Variants in SLC24A2 observed in about 807,000 individuals in gnomAD.
SLC24A2 encodes the protein solute carrier family 24 member 2, also known as sodium/potassium/calcium exchanger 2.
SLC24A2 carries 36 observed loss-of-function variants against 62.0 expected under a neutral mutation model. The ratio of observed to expected loss-of-function variants is 0.58; its 90% CI spans 0.44 to 0.77. The LOEUF (loss-of-function observed/expected upper bound fraction) is 0.77, where lower values mean the gene tolerates loss of function less well. Ranked by LOEUF, SLC24A2 falls within the 30% of genes least tolerant of loss-of-function variation. The probability of loss-of-function intolerance (pLI) is 0.00; values close to 1 mark genes in which losing one functional copy is unlikely to be tolerated. For missense variants in SLC24A2, 846 were observed against 817.9 expected (o/e 1.03, Z -0.42); for synonymous variants, 358 against 294.0 (o/e 1.22, Z -2.23).
chr9:20,105,915 T>A, the SLC24A2 span, among the ~76,000 whole-genome samples: 1 of 152,142 alleles, frequency 6.6e-6, no homozygotes, highest in African/African-American at 2.4e-5. Flanking sequence ...AGGAGCTGGT[T>A]TTTTGAAAGG....
At chr9:20,025,913 G>A in the SLC24A2 span, among the ~76,000 whole-genome samples, 2 of 152,100 alleles carry the variant, frequency 1.3e-5, no homozygotes, top group Non-Finnish European at 2.9e-5. Context: ...AATTATTCAG[G>A]ACAATTTCTC....
chr9:19,590,080 A>C (rs1836504600), intron 5 of SLC24A2, among the ~76,000 whole-genome samples: 1 of 152,178 alleles, frequency 6.6e-6, no homozygotes, highest in Non-Finnish European at 1.5e-5. Flanking sequence ...GAGGGTCCCC[A>C]AAACTCCCCT....
At chr9:20,288,972 A>T in the SLC24A2 span, among the ~76,000 whole-genome samples, 1 of 151,988 alleles carries the variant, frequency 6.6e-6, no homozygotes, top group Non-Finnish European at 1.5e-5. Flanking sequence ...CCACCAGACA[A>T]GTCCCTGAGT....
the SLC24A2 span, among the ~76,000 whole-genome samples, chr9:20,042,327 C>A: frequency 1.3e-5 from 2 of 152,210 alleles, no homozygotes; most frequent in African/African-American, 2.4e-5. Flanking sequence ...TGAGTGTACA[C>A]CCCTGAGGAA....
rs902374698 is a variant in SLC24A2 at position 19,515,783 on chromosome 9, G to A, written c.*370C>T. 1 of 310,994 alleles carries A rather than the reference G, an allele frequency of 3.2e-6. No homozygotes were observed. The highest frequency in any genetic ancestry group is 6.3e-6 in the Non-Finnish European group (1 of 157,884). 19.3% of individuals were successfully genotyped at this position (310,994 alleles called of 1,614,324 possible). A position where few individuals can be genotyped will look rare whatever the true frequency, so the allele number is the denominator to read the frequency against. On this transcript the variant is annotated 3_prime_UTR_variant, in exon 11 of 11. Transcript: ENST00000341998. Reference sequence around the variant, plus strand: ...CAAGGAGAGGTATAGTACAGGAACAGGCAGGATTTGTGTGTTCATGTGCGT... The same window carrying A: ...CAAGGAGAGGTATAGTACAGGAACAAGCAGGATTTGTGTGTTCATGTGCGT...
intron 2 of SLC24A2, among the ~76,000 whole-genome samples, chr9:19,668,416 T>C (rs892912110): frequency 6.6e-6 from 1 of 152,196 alleles, no homozygotes; most frequent in Non-Finnish European, 1.5e-5. Context: ...ATATAAGCAG[T>C]AGATTGGGAC....
At chr9:19,754,749 C>T (rs1587272680) in intron 2 of SLC24A2, among the ~76,000 whole-genome samples, 1 of 151,762 alleles carries the variant, frequency 6.6e-6, no homozygotes, top group South Asian at 2.1e-4. Context: ...CAACTCCAAG[C>T]TTCTTTTAGA....
chr9:20,303,999 G>C, the SLC24A2 span, among the ~76,000 whole-genome samples: 1 of 152,164 alleles, frequency 6.6e-6, no homozygotes, highest in Admixed American at 6.5e-5. Context: ...GTGTATCCAA[G>C]TCCACTGAGA....
At chr9:20,155,224 C>A in the SLC24A2 span, among the ~76,000 whole-genome samples, 2 of 151,072 alleles carry the variant, frequency 1.3e-5, no homozygotes, top group African/African-American at 4.9e-5. Context: ...TGTTATATTT[C>A]AAACAAATTA....
At chr9:19,741,632 A>G (rs1389588654) in intron 2 of SLC24A2, among the ~76,000 whole-genome samples, 1 of 152,220 alleles carries the variant, frequency 6.6e-6, no homozygotes, top group African/African-American at 2.4e-5. Flanking sequence ...CACTTTAGAT[A>G]ATTAACAACT....
chr9:20,191,587 T>TA, the SLC24A2 span, among the ~76,000 whole-genome samples: 1 of 151,532 alleles, frequency 6.6e-6, no homozygotes, highest in Non-Finnish European at 1.5e-5. Context: ...GGCATATATC[T>TA]AAAAAAATTA....
the SLC24A2 span, among the ~76,000 whole-genome samples, chr9:19,931,565 T>G: frequency 6.6e-6 from 1 of 152,200 alleles, no homozygotes; most frequent in Admixed American, 6.5e-5. Flanking sequence ...ATGTAGACAA[T>G]AGAACATCTA....
chr9:20,025,852 G>C, the SLC24A2 span, among the ~76,000 whole-genome samples: 1 of 152,132 alleles, frequency 6.6e-6, no homozygotes, highest in African/African-American at 2.4e-5. Context: ...TCAGTGAACA[G>C]AGGAGTAGGG....
At chr9:19,723,141 A>T (rs1242031444) in intron 2 of SLC24A2, among the ~76,000 whole-genome samples, 1 of 152,160 alleles carries the variant, frequency 6.6e-6, no homozygotes, top group African/African-American at 2.4e-5. Context: ...CCATTTTAAA[A>T]TAAATTATAT....
At chr9:19,866,097 G>T in the SLC24A2 span, among the ~76,000 whole-genome samples, 68 of 152,188 alleles carry the variant, frequency 4.5e-4, no homozygotes, top group South Asian at 1.9e-3. Flanking sequence ...CATATGAAAA[G>T]GTGCTCAACA....
intron 2 of SLC24A2, among the ~76,000 whole-genome samples, chr9:19,704,058 G>C (rs1251008236): frequency 3.9e-5 from 6 of 152,032 alleles, no homozygotes; most frequent in African/African-American, 1.4e-4. Flanking sequence ...ATCAATACTG[G>C]GGACCCTGTG....
At chr9:19,579,847 G>A (rs1256998919) in intron 5 of SLC24A2, among the ~76,000 whole-genome samples, 2 of 152,166 alleles carry the variant, frequency 1.3e-5, no homozygotes, top group African/African-American at 4.8e-5. Context: ...GGACCCAAAA[G>A]CCTGGAAGGG....
chr9:20,240,992 T>C, the SLC24A2 span, among the ~76,000 whole-genome samples: 1 of 152,198 alleles, frequency 6.6e-6, no homozygotes, highest in Non-Finnish European at 1.5e-5. Context: ...GAAGATGCTT[T>C]CTCTTTCCTC....
intron 2 of SLC24A2, among the ~76,000 whole-genome samples, chr9:19,703,894 A>T (rs1048251143): frequency 6.6e-6 from 1 of 152,232 alleles, no homozygotes; most frequent in Non-Finnish European, 1.5e-5. Flanking sequence ...CAAAATATGT[A>T]TGACTCAGCA....
Sources: gnomAD v4.1 joint callset for allele counts (sites outside exome capture counted in the v4.1 genomes callset) on GRCh38, gnomAD v4.1.1 for gene constraint, MANE v1.5 for transcripts, NCBI Gene and HGNC (gene_info 2026-07-23, HGNC 2026-07-21) for gene names.